The following PHACTR1 variants were observed in gnomAD, a reference collection of about 807,000 sequenced individuals.
PHACTR1 encodes the protein phosphatase and actin regulator 1.
In PHACTR1, 16 loss-of-function variants were observed where a neutral mutation model predicts 69.2. That is an observed-to-expected ratio of 0.23 (90% CI 0.16 to 0.35). The LOEUF (loss-of-function observed/expected upper bound fraction) is 0.35. Among genes scored for constraint, PHACTR1 ranks in the 10% least tolerant of loss-of-function variants. PHACTR1 has a pLI of 1.00. For synonymous variants in PHACTR1, 312 were observed against 284.5 expected (o/e 1.10, Z -0.97); for missense variants, 510 against 734.7 (o/e 0.69, Z 3.54).
intron 8 of PHACTR1, among the ~76,000 whole-genome samples, chr6:13,208,952 C>A (rs1766364786): frequency 6.6e-6 from 1 of 152,116 alleles, no homozygotes; most frequent in Non-Finnish European, 1.5e-5. Context: ...TGTCCCAACT[C>A]AGAGTCATTT....
At chr6:13,078,217 C>T (rs1449857657) in intron 5 of PHACTR1, among the ~76,000 whole-genome samples, 1 of 152,124 alleles carries the variant, frequency 6.6e-6, no homozygotes, top group Admixed American at 6.6e-5. Context: ...CCCCTAGCTT[C>T]TGGTGGTTTG....
chr6:12,737,187 A>C (rs780338903), intron 3 of PHACTR1, among the ~76,000 whole-genome samples: 1 of 152,138 alleles, frequency 6.6e-6, no homozygotes, highest in Non-Finnish European at 1.5e-5. Context: ...GGTACAGCCT[A>C]TTGCTCTAGG....
intron 10 of PHACTR1, among the ~76,000 whole-genome samples, chr6:13,230,922 A>C (rs1261073338): frequency 6.6e-6 from 1 of 151,908 alleles, no homozygotes; most frequent in Admixed American, 6.6e-5. Flanking sequence ...AGGTTAAGGC[A>C]AGAGGATGGC....
chr6:12,979,444 G>A (rs759157811), intron 4 of PHACTR1, among the ~76,000 whole-genome samples: 1 of 152,126 alleles, frequency 6.6e-6, no homozygotes, highest in Non-Finnish European at 1.5e-5. Context: ...AATAGTTGGC[G>A]AGGTCCAGAG....
chr6:12,786,128 C>T (rs887873835), intron 4 of PHACTR1, among the ~76,000 whole-genome samples: 1 of 152,188 alleles, frequency 6.6e-6, no homozygotes, highest in Non-Finnish European at 1.5e-5. Flanking sequence ...TGAATGGGAC[C>T]TTTGTAGTAA....
rs546247431 is a variant in PHACTR1, at chr6:12,739,083, G to A, written c.104-10561G>A. On this transcript the variant is annotated intron_variant, in intron 3 of 14. Transcript: ENST00000332995. ...TAAGCCCCTTCAAACTGAGTGCTGC[G>A]ACACTCTTGTGACATGTCCTCTGCA... 5.4e-5 allele frequency among the ~76,000 whole-genome samples: 8 copies of A among 146,834 alleles called. No homozygotes were observed. The East Asian group carries it at 1.6e-3, about 30-fold the overall frequency.
intron 4 of PHACTR1, among the ~76,000 whole-genome samples, chr6:12,909,087 A>C (rs916407395): frequency 3.3e-5 from 5 of 152,188 alleles, no homozygotes; most frequent in Non-Finnish European, 5.9e-5. Context: ...ACAGAGGTGA[A>C]GTCTCCAGGA....
chr6:13,168,268 T>A, intron 6 of PHACTR1, among the ~76,000 whole-genome samples: 1 of 152,322 alleles, frequency 6.6e-6, no homozygotes, highest in East Asian at 1.9e-4. Context: ...AAATCCACCT[T>A]TGAAAATGTA....
intron 4 of PHACTR1, among the ~76,000 whole-genome samples, chr6:12,787,544 T>C (rs1771689548): frequency 6.6e-6 from 1 of 152,158 alleles, no homozygotes; most frequent in South Asian, 2.1e-4. Context: ...AGAGGTAGAT[T>C]CTGGGAGTTT....
At chr6:12,791,122 T>C (rs1224073436) in intron 4 of PHACTR1, among the ~76,000 whole-genome samples, 3 of 152,022 alleles carry the variant, frequency 2.0e-5, no homozygotes, top group South Asian at 2.1e-4. Context: ...TTTTGTATAA[T>C]AGGAAAGACA....
intron 3 of PHACTR1, among the ~76,000 whole-genome samples, chr6:12,723,636 C>T (rs1160877058): frequency 2.0e-5 from 3 of 152,010 alleles, no homozygotes; most frequent in Non-Finnish European, 1.5e-5. Context: ...CCTGTAGGCA[C>T]ATGCCACCAT....
intron 12 of PHACTR1, chr6:13,281,555 TA>T (rs1329932147): frequency 2.6e-5 from 5 of 194,960 alleles, no homozygotes; most frequent in South Asian, 6.2e-5. Flanking sequence ...AGACTCCGTC[TA>T]AAAAAAGAAA....
chr6:12,938,488 C>T (rs1440254188), intron 4 of PHACTR1, among the ~76,000 whole-genome samples: 1 of 152,140 alleles, frequency 6.6e-6, no homozygotes, highest in Non-Finnish European at 1.5e-5. Context: ...CACGGCATGG[C>T]CCCATCTGGT....
chr6:13,011,625 T>C (rs563023028), intron 4 of PHACTR1, among the ~76,000 whole-genome samples: 50 of 152,210 alleles, frequency 3.3e-4, no homozygotes, highest in Non-Finnish European at 5.9e-4. Context: ...AAAAGATTGC[T>C]TCAGTCTTAG....
intron 3 of PHACTR1, among the ~76,000 whole-genome samples, chr6:12,721,328 G>A (rs1222450141): frequency 6.6e-6 from 1 of 152,028 alleles, no homozygotes; most frequent in African/African-American, 2.4e-5. Context: ...AGGTTGCAGT[G>A]AGTGGGGGTG....
At chr6:12,721,934 A>C (rs557395358) in intron 3 of PHACTR1, among the ~76,000 whole-genome samples, 1 of 152,210 alleles carries the variant, frequency 6.6e-6, no homozygotes, top group Non-Finnish European at 1.5e-5. Context: ...CAAGGCTCCG[A>C]GGACCAGTGA....
At chr6:13,144,889 T>A (rs1267266744) in intron 5 of PHACTR1, among the ~76,000 whole-genome samples, 4 of 152,022 alleles carry the variant, frequency 2.6e-5, no homozygotes, top group Admixed American at 6.6e-5. Flanking sequence ...ATGATGAGGC[T>A]ACAGTGATTA....
chr6:12,766,858 C>T (rs932289554), intron 4 of PHACTR1, among the ~76,000 whole-genome samples: 3 of 152,078 alleles, frequency 2.0e-5, no homozygotes, highest in Admixed American at 1.3e-4. Flanking sequence ...GATCTAGAAG[C>T]GTGTTGATAG....
intron 5 of PHACTR1, among the ~76,000 whole-genome samples, chr6:13,098,318 GT>G (rs774899547): frequency 4.6e-5 from 7 of 152,080 alleles, no homozygotes; most frequent in Non-Finnish European, 8.8e-5. Flanking sequence ...CTTGGCTTCT[GT>G]TTCACTGTGC....
Sources: gnomAD v4.1 joint callset for allele counts (sites outside exome capture counted in the v4.1 genomes callset) on GRCh38, gnomAD v4.1.1 for gene constraint, MANE v1.5 for transcripts, NCBI Gene and HGNC (gene_info 2026-07-23, HGNC 2026-07-21) for gene names.